The following MOB1A variants were observed in gnomAD, a reference collection of about 807,000 sequenced individuals.
The protein encoded by MOB1A is MOB1 Mps One Binder homolog A.
In MOB1A, 10 loss-of-function variants were observed where a neutral mutation model predicts 25.1. That is an observed-to-expected ratio of 0.40 (90% CI 0.25 to 0.68). MOB1A has a LOEUF of 0.68. Ranked by LOEUF, MOB1A falls within the 30% of genes least tolerant of loss-of-function variation. The probability of loss-of-function intolerance (pLI) is 0.40; values close to 1 mark genes in which losing one functional copy is unlikely to be tolerated. For synonymous variants in MOB1A, 81 were observed against 79.5 expected (o/e 1.02, Z -0.10); for missense variants, 177 against 256.3 (o/e 0.69, Z 2.11).
At position 74,165,264 on chromosome 2, in the gene MOB1A, C is replaced by G. The variant is rs771497183; in HGVS notation, c.363G>C (p.Trp121Cys). The G allele has an allele frequency of 5.1e-6, 8 of 1,572,188 alleles. No individual in the cohort carries two copies. In the African/African-American group the frequency reaches 1.1e-4, roughly 21 times the overall value. The change falls in exon 4 of 6, where the codon TGG becomes TGC. Residue 121 changes from tryptophan (W) to cysteine (C), a missense_variant. Transcript: ENST00000396049. ...APKYIDYLMT[W>C]VQDQLDDETL... ...TTTCATCATCAAGCTGATCTTGAAC[C>G]CAAGTCATCAAATAGTCAATGTATT...
chr2:74,158,679 C>T (rs983515902), intron 5 of MOB1A, among the ~76,000 whole-genome samples: 6 of 149,612 alleles, frequency 4.0e-5, no homozygotes, highest in East Asian at 2.0e-4. Flanking sequence ...TTCGGGAGGC[C>T]GAGGCAGGAG....
chr2:74,177,881 A>T (rs1219920052), intron 1 of MOB1A: 2 of 152,192 alleles, frequency 1.3e-5, no homozygotes, highest in Non-Finnish European at 2.9e-5. Flanking sequence ...CAGGGAATTT[A>T]CAAGCTTTTT....
At chr2:74,177,380 G>A (rs938536215) in intron 1 of MOB1A, among the ~76,000 whole-genome samples, 1 of 152,012 alleles carries the variant, frequency 6.6e-6, no homozygotes, top group Non-Finnish European at 1.5e-5. Context: ...AAAAAGTCTC[G>A]TATTAAGGTC....
intron 2 of MOB1A, among the ~76,000 whole-genome samples, chr2:74,172,054 C>G (rs1161256781): frequency 6.6e-6 from 1 of 152,126 alleles, no homozygotes; most frequent in Non-Finnish European, 1.5e-5. Context: ...AAATCTCTAG[C>G]CTTAGCATAT....
In MOB1A at chr2:74,154,876, C is replaced by T. The variant is rs560732328; in HGVS notation, c.*1692G>A. 80 of 152,238 alleles carry T rather than the reference C, an allele frequency of 5.3e-4. No individual in the cohort carries two copies. Among genetic ancestry groups the T allele is most frequent in the African/African-American group, 1.9e-3 (79 of 41,540 alleles). The allele number at this position is 152,238 out of a possible 1,614,324, so 9.4% of individuals were successfully genotyped here. ...CTTTTTTTTAATAATGACTGTCCCACACTTTAATTCCTCAATGATATGTGG... is the reference window on the plus strand; with the variant it reads ...CTTTTTTTTAATAATGACTGTCCCATACTTTAATTCCTCAATGATATGTGG... On this transcript the variant is annotated 3_prime_UTR_variant, in exon 6 of 6. Coordinates refer to ENST00000396049, the MANE Select transcript of MOB1A (RefSeq NM_018221.5).
intron 1 of MOB1A, 199 bp downstream of exon 1, chr2:74,178,462 T>G: frequency 2.7e-6 from 1 of 371,584 alleles, no homozygotes; most frequent in Non-Finnish European, 4.7e-6. Context: ...CACGCTCCGT[T>G]TCCTTTACTT....
chr2:74,172,481 A>T, intron 2 of MOB1A, 105 bp downstream of exon 2: 1 of 1,068,332 alleles, frequency 9.4e-7, no homozygotes, highest in South Asian at 1.6e-5. Flanking sequence ...CTTTACAGAT[A>T]ATTTGTTATA....
intron 3 of MOB1A, 73 bp from the exon 4 acceptor site, chr2:74,165,424 G>T: frequency 1.1e-6 from 1 of 910,244 alleles, no homozygotes; most frequent in Non-Finnish European, 1.5e-6. Flanking sequence ...ATTAAAACAG[G>T]TTCATTCACA....
chr2:74,176,083 TACAC>T (rs58496712), intron 1 of MOB1A, among the ~76,000 whole-genome samples: 1,477 of 129,306 alleles, frequency 0.011, 26 homozygotes, highest in African/African-American at 0.041. Context: ...CCGCCTCTAC[TACAC>T]ACACACACAC....
intron 1 of MOB1A, among the ~76,000 whole-genome samples, chr2:74,177,110 C>G (rs1388810180): frequency 6.6e-6 from 1 of 151,936 alleles, no homozygotes; most frequent in African/African-American, 2.4e-5. Context: ...GTCAGGAGTT[C>G]GAGACCAGCC....
At position 74,172,517 on chromosome 2, in the gene MOB1A, A is replaced by G. The variant is rs1023335087; in HGVS notation, c.181+69T>C. 1.1e-5 allele frequency: 16 copies of G among 1,463,116 alleles called. No homozygotes were observed. In the African/African-American group the frequency reaches 2.3e-4, roughly 21 times the overall value. The allele number at this position is 1,463,116 out of a possible 1,614,324, so 90.6% of individuals were successfully genotyped here. A position where few individuals can be genotyped will look rare whatever the true frequency, so the allele number is the denominator to read the frequency against. On this transcript the variant is annotated intron_variant, in intron 2 of 5. Transcript: ENST00000396049. ...TTAAAACAGTTCTAACTGTAAAAGA[A>G]AATTCATTAACAAAGAGATTTTAGC...
rs765651367 is a variant in MOB1A, at chr2:74,165,282, A to G, written c.345T>C (p.Ile115=). The part of the protein sequence containing the change: ...KPIKCSAPKY[I]DYLMTWVQDQ... ...CTTGAACCCAAGTCATCAAATAGTCAATGTATTTTGGTGCAGAACATTTGA... is the reference window on the plus strand; with the variant it reads ...CTTGAACCCAAGTCATCAAATAGTCGATGTATTTTGGTGCAGAACATTTGA... The change falls in exon 4 of 6, where the codon ATT becomes ATC. Residue 115 remains isoleucine (I), a synonymous_variant. Transcript: ENST00000396049. The G allele has an allele frequency of 5.1e-6, 8 of 1,583,010 alleles. No individual in the cohort carries two copies. In the African/African-American group the frequency reaches 8.1e-5, roughly 16 times the overall value.
intron 2 of MOB1A, among the ~76,000 whole-genome samples, chr2:74,171,428 C>A (rs1242986183): frequency 6.6e-6 from 1 of 152,140 alleles, no homozygotes; most frequent in African/African-American, 2.4e-5. Context: ...GTCTTTTAGA[C>A]ATACCTTACT....
chr2:74,172,815 CATA>C (rs1168821762), intron 1 of MOB1A, 63 bp from the exon 2 acceptor site: 1 of 1,507,436 alleles, frequency 6.6e-7, no homozygotes, highest in East Asian at 2.4e-5. Flanking sequence ...GGTAGAACAA[CATA>C]ATTTTAGGTA....
In MOB1A at chr2:74,166,401, A is replaced by G. The variant is rs561551363; in HGVS notation, c.275+613T>C. Among the ~76,000 whole-genome samples, 211 of 152,376 alleles carry G rather than the reference A, an allele frequency of 1.4e-3. 1 individual carries two copies. Among genetic ancestry groups the G allele is most frequent in the Non-Finnish European group, 2.7e-3 (182 of 68,030 alleles). On this transcript the variant is annotated intron_variant, in intron 3 of 5. Transcript: ENST00000396049. ...AGGAAACATAAATGTTATTAATAAA[A>G]TTGAAAAAATAAAATGTTTGCAATT... is the stretch of plus-strand genomic sequence containing the variant.
chr2:74,170,598 G>C (rs1275135654), intron 2 of MOB1A, among the ~76,000 whole-genome samples: 1 of 151,586 alleles, frequency 6.6e-6, no homozygotes, highest in Admixed American at 6.6e-5. Context: ...AGCCAGGTGT[G>C]GTGGCGGGCA....
intron 1 of MOB1A, among the ~76,000 whole-genome samples, chr2:74,176,807 G>T (rs575324637): frequency 1.3e-5 from 2 of 151,938 alleles, no homozygotes; most frequent in East Asian, 3.9e-4. Flanking sequence ...TGAGAGGTGT[G>T]GGGAAATTGG....
rs1355855039 is a variant in MOB1A at position 74,156,004 on chromosome 2, C to A, written c.*564G>T. The A allele has an allele frequency of 6.6e-6, 1 of 152,596 alleles. No homozygotes were observed. The highest frequency in any genetic ancestry group is 1.5e-5 in the Non-Finnish European group (1 of 68,002). The allele number at this position is 152,596 out of a possible 1,614,324, so 9.5% of individuals were successfully genotyped here. A position where few individuals can be genotyped will look rare whatever the true frequency, so the allele number is the denominator to read the frequency against. On this transcript the variant is annotated 3_prime_UTR_variant, in exon 6 of 6. Transcript: ENST00000396049. ...ATGAATTTTGAAAAAATAGACGTAT[C>A]TTATCTATAAAAACACTACCATACA...
intron 1 of MOB1A, among the ~76,000 whole-genome samples, chr2:74,176,601 A>G (rs1411317248): frequency 6.6e-6 from 1 of 151,796 alleles, no homozygotes; most frequent in East Asian, 1.9e-4. Context: ...CGTCTCTACT[A>G]AAAACACAAA....
Sources: gnomAD v4.1 joint callset for allele counts (sites outside exome capture counted in the v4.1 genomes callset) on GRCh38, gnomAD v4.1.1 for gene constraint, MANE v1.5 for transcripts, NCBI Gene and HGNC (gene_info 2026-07-23, HGNC 2026-07-21) for gene names.